The following PDZRN4 variants were observed in gnomAD, a reference collection of about 807,000 sequenced individuals.
PDZRN4 encodes PDZ domain-containing RING finger protein 4.
Under a neutral mutation model 99.0 loss-of-function variants are expected in PDZRN4, and 70 were observed. The observed-to-expected ratio is 0.71, with a 90% CI of 0.58 to 0.86. The LOEUF (loss-of-function observed/expected upper bound fraction) is 0.86, where lower values mean the gene tolerates loss of function less well. PDZRN4 is among the 40% of genes least tolerant of loss of function. The pLI, the probability that PDZRN4 is intolerant of heterozygous loss-of-function variation, is 0.00. For missense variants in PDZRN4, 1,474 were observed against 1,331.2 expected (o/e 1.11, Z -1.67); for synonymous variants, 551 against 501.6 (o/e 1.10, Z -1.32).
chr12:41,540,590 C>A (rs1592103514), intron 5 of PDZRN4, among the ~76,000 whole-genome samples: 1 of 152,254 alleles, frequency 6.6e-6, no homozygotes, highest in Middle Eastern at 3.4e-3. Context: ...CATTCCTCAT[C>A]AGCATATAGG....
intron 3 of PDZRN4, among the ~76,000 whole-genome samples, chr12:41,255,168 G>T (rs1297192502): frequency 1.3e-5 from 2 of 152,184 alleles, no homozygotes; most frequent in Non-Finnish European, 2.9e-5. Context: ...ACAGAGTTTA[G>T]TGAGACAGGT....
intron 3 of PDZRN4, among the ~76,000 whole-genome samples, chr12:41,331,969 T>A (rs538699470): frequency 6.6e-6 from 1 of 151,962 alleles, no homozygotes; most frequent in Non-Finnish European, 1.5e-5. Context: ...GGGTAGGAAA[T>A]GAACAAAAAT....
At chr12:41,508,062 C>A (rs1453773228) in intron 4 of PDZRN4, among the ~76,000 whole-genome samples, 1 of 152,054 alleles carries the variant, frequency 6.6e-6, no homozygotes, top group Non-Finnish European at 1.5e-5. Context: ...AGTATTATTC[C>A]AAACGTTTTG....
chr12:41,328,753 T>C (rs1951725428), intron 3 of PDZRN4, among the ~76,000 whole-genome samples: 1 of 152,078 alleles, frequency 6.6e-6, no homozygotes, highest in South Asian at 2.1e-4. Flanking sequence ...AAGGATAACA[T>C]GTATCTGTGA....
At chr12:41,351,784 G>C (rs1031629805) in intron 3 of PDZRN4, among the ~76,000 whole-genome samples, 1 of 151,984 alleles carries the variant, frequency 6.6e-6, no homozygotes, top group South Asian at 2.1e-4. Flanking sequence ...TAAGGCTAAG[G>C]ACAATAATTT....
intron 3 of PDZRN4, among the ~76,000 whole-genome samples, chr12:41,210,892 A>T (rs1382608051): frequency 1.3e-5 from 2 of 151,976 alleles, no homozygotes; most frequent in East Asian, 3.9e-4. Flanking sequence ...CTAAAGTCCA[A>T]AAAGAGTTAA....
chr12:41,569,082 A>T (rs545235500), intron 9 of PDZRN4, among the ~76,000 whole-genome samples: 277 of 151,182 alleles, frequency 1.8e-3, no homozygotes, highest in African/African-American at 6.3e-3. Flanking sequence ...GATTACAGGC[A>T]TGAGCCACCG....
chr12:41,377,660 C>T (rs1240701705), intron 3 of PDZRN4, among the ~76,000 whole-genome samples: 2 of 151,138 alleles, frequency 1.3e-5, no homozygotes, highest in African/African-American at 4.9e-5. Flanking sequence ...TGAGACTCCA[C>T]CTCAAAAAAA....
At chr12:41,350,083 T>C (rs1951880093) in intron 3 of PDZRN4, among the ~76,000 whole-genome samples, 2 of 152,124 alleles carry the variant, frequency 1.3e-5, no homozygotes, top group Admixed American at 6.6e-5. Context: ...GAGTCTTCCA[T>C]CAGTTTGGTG....
intron 3 of PDZRN4, among the ~76,000 whole-genome samples, chr12:41,208,592 T>C (rs1038695195): frequency 2.0e-5 from 3 of 151,968 alleles, no homozygotes; most frequent in Admixed American, 6.6e-5. Flanking sequence ...CTCTACTATA[T>C]CCAGATTAAT....
chr12:41,314,068 G>A (rs1265317385), intron 3 of PDZRN4, among the ~76,000 whole-genome samples: 2 of 152,114 alleles, frequency 1.3e-5, no homozygotes, highest in African/African-American at 4.8e-5. Flanking sequence ...ACCACTTATT[G>A]TTAATAATTT....
intron 3 of PDZRN4, among the ~76,000 whole-genome samples, chr12:41,451,927 G>A (rs1241120165): frequency 1.3e-5 from 2 of 152,134 alleles, no homozygotes. Flanking sequence ...TGCTTTGGCA[G>A]CTTTGAAGTA....
intron 3 of PDZRN4, among the ~76,000 whole-genome samples, chr12:41,468,089 C>T (rs1952946702): frequency 6.6e-6 from 1 of 152,092 alleles, no homozygotes; most frequent in Non-Finnish European, 1.5e-5. Context: ...AAACAGGAAA[C>T]AGCATACAAA....
At position 41,188,571 on chromosome 12, in the gene PDZRN4, C is replaced by A. The variant is rs1950709705; in HGVS notation, c.116C>A (p.Ala39Asp). ...ACGCCGTGCGGGCACGTCTTCTGCG[C>A]CAGCTGCCTGTTGCCCTGGGCGGTG... ...LCTPCGHVFC[A>D]SCLLPWAVRR... The change falls in exon 1 of 10, where the codon GCC (alanine) becomes GAC (aspartate). Residue 39 changes from alanine (A) to aspartate (D), a missense_variant. Transcript: ENST00000402685. The A allele has an allele frequency of 6.5e-7, 1 of 1,547,802 alleles. No individual in the cohort carries two copies. The highest frequency in any genetic ancestry group is 8.7e-7 in the Non-Finnish European group (1 of 1,153,882).
chr12:41,318,977 ACTT>A (rs1951657068), intron 3 of PDZRN4, among the ~76,000 whole-genome samples: 1 of 152,122 alleles, frequency 6.6e-6, no homozygotes, highest in Non-Finnish European at 1.5e-5. Flanking sequence ...GAAATAAGTA[ACTT>A]CTTCATGCCA....
At chr12:41,366,009 A>G (rs1189041494) in intron 3 of PDZRN4, among the ~76,000 whole-genome samples, 1 of 152,082 alleles carries the variant, frequency 6.6e-6, no homozygotes. Flanking sequence ...GGCAGTGGAG[A>G]TGGAAGGAGG....
chr12:41,465,491 T>C (rs1303753933), intron 3 of PDZRN4, among the ~76,000 whole-genome samples: 1 of 152,236 alleles, frequency 6.6e-6, no homozygotes, highest in East Asian at 1.9e-4. Context: ...AACAAAATAC[T>C]ATGTTAAAAC....
chr12:41,204,696 G>A (rs976674795), intron 3 of PDZRN4, among the ~76,000 whole-genome samples: 1 of 151,998 alleles, frequency 6.6e-6, no homozygotes, highest in African/African-American at 2.4e-5. Flanking sequence ...CCACCCCCGT[G>A]ATTCAGTTAC....
At chr12:41,476,311 T>C (rs1224058074) in intron 3 of PDZRN4, among the ~76,000 whole-genome samples, 8 of 152,214 alleles carry the variant, frequency 5.3e-5, no homozygotes, top group Non-Finnish European at 1.2e-4. Flanking sequence ...TATGCATTGC[T>C]AAAGAAACAG....
Sources: gnomAD v4.1 joint callset for allele counts (sites outside exome capture counted in the v4.1 genomes callset) on GRCh38, gnomAD v4.1.1 for gene constraint, MANE v1.5 for transcripts, NCBI Gene and HGNC (gene_info 2026-07-23, HGNC 2026-07-21) for gene names.